RNF13: variants seen among roughly 807,000 people sequenced by gnomAD.
RNF13 encodes E3 ubiquitin-protein ligase RNF13.
RNF13 carries 19 observed loss-of-function variants against 37.7 expected under a neutral mutation model. The observed-to-expected ratio is 0.50, with a 90% CI of 0.35 to 0.74. RNF13 has a LOEUF of 0.74. Among genes scored for constraint, RNF13 ranks in the 30% least tolerant of loss-of-function variants. The probability of loss-of-function intolerance (pLI) is 0.01; values close to 1 mark genes in which losing one functional copy is unlikely to be tolerated. For synonymous variants in RNF13, 144 were observed against 157.8 expected, an observed-to-expected ratio of 0.91 and a Z score of 0.65; for missense variants, 375 against 453.0, an observed-to-expected ratio of 0.83 and a Z score of 1.56.
intron 3 of RNF13, among the ~76,000 whole-genome samples, chr3:149,867,907 C>T (rs56129759): frequency 0.027 from 4,098 of 151,540 alleles, 133 homozygotes; most frequent in South Asian, 0.036. Flanking sequence ...CTTTTTAATT[C>T]GTTGCTTTTT....
chr3:149,850,414 T>C (rs1158751246), intron 2 of RNF13, among the ~76,000 whole-genome samples: 1 of 152,236 alleles, frequency 6.6e-6, no homozygotes, highest in Non-Finnish European at 1.5e-5. Flanking sequence ...TTAAACAATA[T>C]GATTTTAAGA....
At chr3:149,856,695 G>A (rs1052953320) in intron 3 of RNF13, among the ~76,000 whole-genome samples, 3 of 151,906 alleles carry the variant, frequency 2.0e-5, no homozygotes, top group Non-Finnish European at 4.4e-5. Flanking sequence ...CTCCTGCTTC[G>A]GCCTCCTAAA....
In RNF13 at chr3:149,875,695, C is replaced by T. The variant is rs138381445; in HGVS notation, c.321+3541C>T. On this transcript the variant is annotated intron_variant, in intron 4 of 9. Transcript: ENST00000392894. ...TACCTTGAGGAGATGCAGCAAAACC[C>T]ATGCTCAGAATGAATGTTTGAATAT... is the stretch of plus-strand genomic sequence containing the variant. Among the ~76,000 whole-genome samples the T allele has an allele frequency of 7.9e-5, 12 of 152,248 alleles. No individual in the cohort carries two copies. The East Asian group carries it at 2.3e-3, about 29-fold the overall frequency.
chr3:149,838,408 C>T (rs1176941180), intron 1 of RNF13, among the ~76,000 whole-genome samples: 10 of 152,210 alleles, frequency 6.6e-5, no homozygotes, highest in Admixed American at 2.0e-4. Flanking sequence ...CATGAGGGCT[C>T]TGCCCCTGCA....
At chr3:149,958,864 A>G (rs1361004695) in intron 8 of RNF13, among the ~76,000 whole-genome samples, 2 of 152,246 alleles carry the variant, frequency 1.3e-5, no homozygotes, top group Non-Finnish European at 2.9e-5. Context: ...ATACTATAGT[A>G]ACCAAATTCA....
intron 6 of RNF13, among the ~76,000 whole-genome samples, chr3:149,904,513 T>C (rs745413744): frequency 6.6e-6 from 1 of 152,124 alleles, no homozygotes; most frequent in Non-Finnish European, 1.5e-5. Flanking sequence ...CCCCAGCAGC[T>C]GGGGGCTACA....
intron 1 of RNF13, among the ~76,000 whole-genome samples, chr3:149,844,122 A>G (rs534404212): frequency 4.6e-5 from 7 of 152,354 alleles, no homozygotes; most frequent in African/African-American, 1.7e-4. Flanking sequence ...AATAACAACT[A>G]TACCTTATTT....
chr3:149,843,980 A>T (rs1373676863), intron 1 of RNF13, among the ~76,000 whole-genome samples: 1 of 152,016 alleles, frequency 6.6e-6, no homozygotes, highest in African/African-American at 2.4e-5. Flanking sequence ...TTCCCTCCAA[A>T]CTCTGTCTCC....
At chr3:149,917,205 TA>T (rs1717618120) in intron 7 of RNF13, 2 of 152,320 alleles carry the variant, frequency 1.3e-5, no homozygotes, top group South Asian at 4.1e-4. Flanking sequence ...GTTTTGTTAT[TA>T]ACCTGACTTT....
At chr3:149,890,956 G>A (rs1168363516) in intron 4 of RNF13, among the ~76,000 whole-genome samples, 1 of 152,006 alleles carries the variant, frequency 6.6e-6, no homozygotes, top group African/African-American at 2.4e-5. Flanking sequence ...GGCTTGTGTT[G>A]TTTTGTTTAT....
intron 1 of RNF13, among the ~76,000 whole-genome samples, chr3:149,827,496 A>T (rs904456135): frequency 6.6e-6 from 1 of 152,098 alleles, no homozygotes; most frequent in African/African-American, 2.4e-5. Context: ...AAGAGAGGCT[A>T]TGTAGGCATT....
intron 1 of RNF13, among the ~76,000 whole-genome samples, chr3:149,817,959 TGGAA>T (rs1719633745): frequency 6.6e-6 from 1 of 152,224 alleles, no homozygotes; most frequent in Non-Finnish European, 1.5e-5. Context: ...TTTCCTTTCT[TGGAA>T]GGTTTTCTAG....
chr3:149,901,018 G>A (rs559045488), intron 5 of RNF13, among the ~76,000 whole-genome samples: 1 of 152,138 alleles, frequency 6.6e-6, no homozygotes, highest in African/African-American at 2.4e-5. Context: ...ATAAGTTTAG[G>A]GGGTAGGGGT....
At chr3:149,858,601 C>T (rs1309878727) in intron 3 of RNF13, among the ~76,000 whole-genome samples, 1 of 152,154 alleles carries the variant, frequency 6.6e-6, no homozygotes, top group Non-Finnish European at 1.5e-5. Flanking sequence ...TTGCCATGAT[C>T]CATATATACT....
At chr3:149,827,697 G>A (rs571565785) in intron 1 of RNF13, among the ~76,000 whole-genome samples, 11 of 152,310 alleles carry the variant, frequency 7.2e-5, no homozygotes, top group African/African-American at 2.4e-4. Context: ...AAAAAGGAAA[G>A]ATGATTATAA....
chr3:149,956,640 G>C (rs1018128142), intron 8 of RNF13, among the ~76,000 whole-genome samples: 3 of 152,190 alleles, frequency 2.0e-5, no homozygotes, highest in Admixed American at 1.3e-4. Context: ...GTACCTTCAT[G>C]AAATTTTTCT....
intron 1 of RNF13, among the ~76,000 whole-genome samples, chr3:149,842,007 A>G (rs1043493975): frequency 1.3e-5 from 2 of 152,042 alleles, no homozygotes; most frequent in African/African-American, 4.8e-5. Context: ...CCAATGCCTT[A>G]CTTCCCCCCA....
intron 2 of RNF13, chr3:149,851,268 T>A (rs1252651558): frequency 2.6e-5 from 4 of 152,208 alleles, no homozygotes; most frequent in Admixed American, 6.5e-5. Context: ...AGGACCTGAG[T>A]TGACGGTGAG....
intron 6 of RNF13, among the ~76,000 whole-genome samples, chr3:149,903,927 ATATC>A (rs1716112572): frequency 6.7e-6 from 1 of 149,918 alleles, no homozygotes; most frequent in Admixed American, 6.7e-5. Context: ...ATCTATCTAT[ATATC>A]TGTCTATCTG....
Sources: gnomAD v4.1 joint callset for allele counts (sites outside exome capture counted in the v4.1 genomes callset) on GRCh38, gnomAD v4.1.1 for gene constraint, MANE v1.5 for transcripts, NCBI Gene and HGNC (gene_info 2026-07-23, HGNC 2026-07-21) for gene names.